EPB41L5: variants seen among roughly 807,000 people sequenced by gnomAD.
EPB41L5 encodes erythrocyte membrane protein band 4.1 like 5.
A neutral mutation model predicts 106.6 loss-of-function variants in EPB41L5; 55 were observed. That is an observed-to-expected ratio of 0.52 (90% CI 0.42 to 0.65). The LOEUF is 0.65. Ranked by LOEUF, EPB41L5 falls within the 30% of genes least tolerant of loss-of-function variation. The pLI, the probability that EPB41L5 is intolerant of heterozygous loss-of-function variation, is 0.00. For synonymous variants in EPB41L5, 297 were observed against 306.7 expected (o/e 0.97, Z 0.33); for missense variants, 871 against 882.1 (o/e 0.99, Z 0.16).
At chr2:120,067,054 C>T (rs1681492340) in intron 3 of EPB41L5, among the ~76,000 whole-genome samples, 1 of 151,988 alleles carries the variant, frequency 6.6e-6, no homozygotes, top group East Asian at 1.9e-4. Context: ...ATCTTGCCAG[C>T]CTAGATTGAA....
chr2:120,079,502 C>A (rs984949979), intron 10 of EPB41L5, among the ~76,000 whole-genome samples: 5 of 152,126 alleles, frequency 3.3e-5, no homozygotes, highest in Non-Finnish European at 7.4e-5. Flanking sequence ...GCCCTCCTCC[C>A]CATCTGGTGG....
In EPB41L5 at chr2:120,160,204, C is replaced by T. The variant is rs186678594; in HGVS notation, c.1794-677C>T. Among the ~76,000 whole-genome samples, 31 of 152,276 alleles carry T rather than the reference C, an allele frequency of 2.0e-4. No homozygotes were observed. In the East Asian group the frequency reaches 5.6e-3, roughly 27 times the overall value. Reference sequence around the variant, plus strand: ...CTGTATAACAAACCTGCACATGTACCTCTGAAGTTAAAAAAAAATTATACT... The same window carrying T: ...CTGTATAACAAACCTGCACATGTACTTCTGAAGTTAAAAAAAAATTATACT... On this transcript the variant is annotated intron_variant, in intron 20 of 24. Coordinates refer to ENST00000263713, the MANE Select transcript of EPB41L5 (RefSeq NM_020909.4).
chr2:120,087,297 CTT>C, intron 11 of EPB41L5, 57 bp downstream of exon 11: 1 of 1,046,184 alleles, frequency 9.6e-7, no homozygotes, highest in South Asian at 1.4e-5. Context: ...TATGTGGTAA[CTT>C]ATTTCTCTAA....
chr2:120,024,060 G>A (rs1026616177), intron 2 of EPB41L5, among the ~76,000 whole-genome samples: 2 of 152,194 alleles, frequency 1.3e-5, no homozygotes, highest in Non-Finnish European at 2.9e-5. Flanking sequence ...TTGTTTATCA[G>A]CTTAAGGAGA....
At chr2:120,022,877 C>G (rs1678032811) in intron 2 of EPB41L5, among the ~76,000 whole-genome samples, 1 of 152,188 alleles carries the variant, frequency 6.6e-6, no homozygotes, top group Non-Finnish European at 1.5e-5. Flanking sequence ...GCCATTCTAA[C>G]TGGCATGAGA....
chr2:120,073,283 T>G (rs1217268365), intron 4 of EPB41L5, 63 bp downstream of exon 4: 9 of 1,322,074 alleles, frequency 6.8e-6, no homozygotes, highest in South Asian at 3.8e-5. Context: ...AAATTCTGAT[T>G]TCTAATAGGA....
chr2:120,100,248 C>T lies in EPB41L5; in HGVS notation c.1183C>T (p.His395Tyr). ...GATTTTTTTTTCCCATTACAGTGTT[C>T]ACAATAATGTTTCGACCCAAAGTAA... ...CATKPEELSVHNNVSTQSNGS... is the reference protein window; with the variant it reads ...CATKPEELSVYNNVSTQSNGS... The change falls in exon 15 of 25, where the codon CAC (histidine) becomes TAC (tyrosine). Residue 395 changes from histidine (H) to tyrosine (Y), a missense_variant. Physicochemically the swap from His to Tyr is moderately conservative, Grantham distance 83 (BLOSUM62 2). Transcript: ENST00000263713. The T allele has an allele frequency of 6.2e-7, 1 of 1,612,720 alleles. No homozygotes were observed. Among genetic ancestry groups the T allele is most frequent in the South Asian group, 1.1e-5 (1 of 90,982 alleles).
intron 11 of EPB41L5, among the ~76,000 whole-genome samples, chr2:120,088,531 A>G (rs973701309): frequency 7.9e-5 from 12 of 152,222 alleles, no homozygotes; most frequent in African/African-American, 2.6e-4. Flanking sequence ...TGTGCAATAA[A>G]CCACCATGAC....
Position 120,055,952 on chromosome 2 carries a change from T to A in EPB41L5, c.285+13842T>A, listed in dbSNP as rs180952957. Among the ~76,000 whole-genome samples, 6 of 152,318 alleles carry A rather than the reference T, an allele frequency of 3.9e-5. No homozygotes were observed. The East Asian group carries it at 1.2e-3, about 29-fold the overall frequency. The stretch of plus-strand genomic sequence containing the variant: ...CTTTCCTTTTCTTTCCTCAGTGCCC[T>A]GGCTAGAACCTTCAATAAAATGTTG... On this transcript the variant is annotated intron_variant, in intron 3 of 24. Transcript: ENST00000263713.
intron 1 of EPB41L5, among the ~76,000 whole-genome samples, chr2:120,018,799 C>T (rs756518781): frequency 1.3e-5 from 2 of 152,018 alleles, no homozygotes; most frequent in Non-Finnish European, 2.9e-5. Flanking sequence ...CAGGCATGCA[C>T]CACCACACCT....
At chr2:120,015,518 C>G (rs1333177179) in intron 1 of EPB41L5, among the ~76,000 whole-genome samples, 1 of 152,004 alleles carries the variant, frequency 6.6e-6, no homozygotes, top group African/African-American at 2.4e-5. Flanking sequence ...ACGTGTGTGT[C>G]TGTTTAGCGT....
At chr2:120,081,056 G>A (rs972736353) in intron 10 of EPB41L5, among the ~76,000 whole-genome samples, 1 of 150,678 alleles carries the variant, frequency 6.6e-6, no homozygotes, top group African/African-American at 2.4e-5. Flanking sequence ...TCATTCTGTA[G>A]GTTGCCTGTT....
chr2:120,073,363 A>T, intron 4 of EPB41L5, 143 bp downstream of exon 4: 1 of 710,560 alleles, frequency 1.4e-6, no homozygotes, highest in Non-Finnish European at 2.3e-6. Flanking sequence ...ATTCTGATAC[A>T]CTGAGCTACT....
chr2:120,055,196 A>G (rs1680565522), intron 3 of EPB41L5, among the ~76,000 whole-genome samples: 1 of 152,160 alleles, frequency 6.6e-6, no homozygotes, highest in African/African-American at 2.4e-5. Context: ...TCCTTATGCC[A>G]GTACCACAGT....
chr2:120,155,342 C>T (rs1450358684), intron 20 of EPB41L5, among the ~76,000 whole-genome samples: 1 of 152,176 alleles, frequency 6.6e-6, no homozygotes, highest in East Asian at 1.9e-4. Context: ...GCCTTCTGGT[C>T]TGCATGGTTT....
chr2:120,091,744 C>A, intron 13 of EPB41L5, 83 bp downstream of exon 13: 1 of 1,011,552 alleles, frequency 9.9e-7, no homozygotes, highest in Non-Finnish European at 1.5e-6. Context: ...GAGGAAGTTA[C>A]CTGAATCTCC....
chr2:120,166,574 A>G (rs1687422058), intron 22 of EPB41L5, among the ~76,000 whole-genome samples: 1 of 152,052 alleles, frequency 6.6e-6, no homozygotes, highest in South Asian at 2.1e-4. Flanking sequence ...AGTAGCTGGG[A>G]GTACAGGCGC....
At chr2:120,108,137 T>G (rs376716335) in intron 16 of EPB41L5, 15 of 152,150 alleles carry the variant, frequency 9.9e-5, no homozygotes, top group African/African-American at 3.4e-4. Flanking sequence ...TAAGCTTCTG[T>G]GTTACAAGCT....
intron 3 of EPB41L5, among the ~76,000 whole-genome samples, chr2:120,055,954 G>A (rs935726024): frequency 6.6e-6 from 1 of 152,014 alleles, no homozygotes; most frequent in Non-Finnish European, 1.5e-5. Context: ...CAGTGCCCTG[G>A]CTAGAACCTT....
Sources: allele counts gnomAD v4.1 joint callset (sites outside exome capture counted in the v4.1 genomes callset), GRCh38; gene constraint gnomAD v4.1.1; transcripts MANE v1.5; gene names NCBI Gene and HGNC (gene_info 2026-07-23, HGNC 2026-07-21).